Variants in PICALM observed in about 807,000 individuals in gnomAD.
PICALM encodes the protein phosphatidylinositol binding clathrin assembly protein.
In PICALM, 40 loss-of-function variants were observed where a neutral mutation model predicts 80.5. The observed-to-expected ratio is 0.50, with a 90% confidence interval of 0.39 to 0.65. The LOEUF is 0.65. PICALM is among the 30% of genes least tolerant of loss of function. The pLI is 0.00. For missense variants in PICALM, 676 were observed against 778.9 expected (o/e 0.87, Z 1.57); for synonymous variants, 288 against 260.3 (o/e 1.11, Z -1.02).
At chr11:85,992,799 G>C (rs892955508) in intron 12 of PICALM, among the ~76,000 whole-genome samples, 2 of 152,204 alleles carry the variant, frequency 1.3e-5, no homozygotes, top group African/African-American at 4.8e-5. Flanking sequence ...CTGTTCTACT[G>C]ACAGATAGGT....
rs58836221 is a variant in PICALM, at chr11:86,061,330, C to CAAAAAAAAAAAAAA, written c.130+7307_130+7320dup. Among the ~76,000 whole-genome samples the CAAAAAAAAAAAAAA allele has an allele frequency of 9.9e-5, 8 of 81,148 alleles. 1 individual carries two copies. The highest frequency in any genetic ancestry group is 3.9e-4 in the South Asian group (1 of 2,550). The allele number at this position is 81,148 out of a possible 152,430, so 53.2% of individuals were successfully genotyped here. On this transcript the variant is annotated intron_variant, in intron 1 of 19. Transcript: ENST00000393346. ...CGGGAGACAGAGCAAGACTCCATCT[C>CAAAAAAAAAAAAAA]AAAAAAAAAAAAAAAAAAAAAAAAA...
At chr11:86,007,316 T>C in intron 8 of PICALM, 1 of 283,150 alleles carries the variant, frequency 3.5e-6, no homozygotes, top group Non-Finnish European at 6.8e-6. Context: ...ATTGAAGAGA[T>C]TAAATAAATG....
At chr11:86,060,101 A>G (rs866670756) in intron 1 of PICALM, among the ~76,000 whole-genome samples, 4 of 152,310 alleles carry the variant, frequency 2.6e-5, no homozygotes, top group Middle Eastern at 6.8e-3. Flanking sequence ...AGGCACTGTT[A>G]CCTACAAAAT....
Position 86,026,337 on chromosome 11 carries a change from T to A in PICALM, c.304A>T (p.Thr102Ser). The change falls in exon 3 of 20, where the codon ACG (threonine) becomes TCG (serine). Residue 102 changes from threonine (T) to serine (S), a missense_variant. Physicochemically the swap from Thr to Ser is moderately conservative, Grantham distance 58. Around this residue, in one of 2 missense-constraint regions of PICALM, gnomAD observed 285 missense variants for 395.4 expected, o/e 0.72. Coordinates refer to ENST00000393346, the MANE Select transcript of PICALM (RefSeq NM_007166.4). Reference protein sequence around the residue: ...RFIQYLASRNTLFNLSNFLDK... With the variant: ...RFIQYLASRNSLFNLSNFLDK... ...AAAAAATTGCTTAAGTTAAACAACGTGTTTCTTGAAGCCAAATACTGAATA... is the reference window on the plus strand; with the variant it reads ...AAAAAATTGCTTAAGTTAAACAACGAGTTTCTTGAAGCCAAATACTGAATA... 1 of 1,604,678 alleles carries A rather than the reference T, an allele frequency of 6.2e-7. No individual in the cohort carries two copies. The highest frequency in any genetic ancestry group is 1.1e-5 in the South Asian group (1 of 90,564).
chr11:86,063,885 A>G (rs1196094570), intron 1 of PICALM, among the ~76,000 whole-genome samples: 2 of 152,190 alleles, frequency 1.3e-5, no homozygotes, highest in Non-Finnish European at 2.9e-5. Context: ...TGGAAAAAAA[A>G]AAAGTCCCAG....
chr11:86,049,175 T>A (rs1229808258), intron 1 of PICALM, among the ~76,000 whole-genome samples: 1 of 151,860 alleles, frequency 6.6e-6, no homozygotes, highest in African/African-American at 2.4e-5. Context: ...ACACCTATAA[T>A]CCCAACTACT....
At chr11:85,987,861 G>A (rs1440530825) in intron 13 of PICALM, among the ~76,000 whole-genome samples, 2 of 152,186 alleles carry the variant, frequency 1.3e-5, no homozygotes, top group African/African-American at 4.8e-5. Context: ...TAAACTTCAG[G>A]ACAATCCTGC....
At chr11:86,059,226 T>A (rs1378199210) in intron 1 of PICALM, among the ~76,000 whole-genome samples, 1 of 152,238 alleles carries the variant, frequency 6.6e-6, no homozygotes, top group South Asian at 2.1e-4. Flanking sequence ...GGAGGTTAAG[T>A]ATAATCATTC....
At chr11:85,985,303 C>T (rs1007959973) in intron 13 of PICALM, among the ~76,000 whole-genome samples, 28 of 152,108 alleles carry the variant, frequency 1.8e-4, no homozygotes, top group African/African-American at 6.5e-4. Flanking sequence ...AGAAGGTCCT[C>T]AAAGACAGAA....
At chr11:85,980,703 T>A (rs551235609) in intron 17 of PICALM, among the ~76,000 whole-genome samples, 10 of 152,196 alleles carry the variant, frequency 6.6e-5, no homozygotes, top group African/African-American at 9.7e-5. Context: ...AGGTCAGTAA[T>A]ATAGAGTAGT....
At chr11:85,967,217 T>G (rs2093930964) in intron 19 of PICALM, among the ~76,000 whole-genome samples, 1 of 152,212 alleles carries the variant, frequency 6.6e-6, no homozygotes, top group Non-Finnish European at 1.5e-5. Flanking sequence ...TAAAGGAACT[T>G]TTCTAGTAAA....
At chr11:86,017,028 C>A (rs1236409161) in intron 4 of PICALM, among the ~76,000 whole-genome samples, 1 of 152,140 alleles carries the variant, frequency 6.6e-6, no homozygotes. Flanking sequence ...TCGAGACCAG[C>A]CTGGCCAATA....
chr11:85,999,696 C>G (rs2095084932), intron 11 of PICALM, among the ~76,000 whole-genome samples: 1 of 152,200 alleles, frequency 6.6e-6, no homozygotes, highest in South Asian at 2.1e-4. Flanking sequence ...TTAGGCTCAG[C>G]TATTAGGAGT....
chr11:85,984,771 A>C (rs1281456146), intron 13 of PICALM, among the ~76,000 whole-genome samples: 1 of 152,186 alleles, frequency 6.6e-6, no homozygotes, highest in Non-Finnish European at 1.5e-5. Flanking sequence ...CACATCTTTA[A>C]GATCAGCCTA....
chr11:86,057,604 T>C (rs990889951), intron 1 of PICALM, among the ~76,000 whole-genome samples: 5 of 152,170 alleles, frequency 3.3e-5, no homozygotes, highest in African/African-American at 1.2e-4. Flanking sequence ...TGTGTGTGTA[T>C]GTACACACAA....
chr11:86,025,314 C>T lies in PICALM; in HGVS notation c.349+978G>A, dbSNP rs1286774848. Among the ~76,000 whole-genome samples, 6 of 151,986 alleles carry T rather than the reference C, an allele frequency of 3.9e-5. No individual in the cohort carries two copies. In the East Asian group the frequency reaches 5.9e-4, roughly 15 times the overall value. On this transcript the variant is annotated intron_variant, in intron 3 of 19. Transcript: ENST00000393346. The stretch of plus-strand genomic sequence containing the variant: ...ACTCGGGAGGCTGAGGCAGGAGAAT[C>T]GCTTGAACCCGGGAGGCGGAGGTTG...
At chr11:86,059,324 G>C (rs530513865) in intron 1 of PICALM, among the ~76,000 whole-genome samples, 102 of 152,292 alleles carry the variant, frequency 6.7e-4, no homozygotes, top group Non-Finnish European at 1.2e-3. Flanking sequence ...CCTATTCTGT[G>C]GAGGAAATGT....
At chr11:86,018,888 TAA>T (rs1255654900) in intron 4 of PICALM, among the ~76,000 whole-genome samples, 1 of 55,642 alleles carries the variant, frequency 1.8e-5, no homozygotes, top group Admixed American at 1.7e-4. Flanking sequence ...GACTCTGACT[TAA>T]AAAAAAAAAA....
chr11:86,023,049 G>A (rs946319177), intron 3 of PICALM, among the ~76,000 whole-genome samples: 5 of 152,112 alleles, frequency 3.3e-5, no homozygotes, highest in African/African-American at 9.7e-5. Context: ...ATCATTCTAA[G>A]ATTTTGTTTC....
Sources: allele counts gnomAD v4.1 joint callset (sites outside exome capture counted in the v4.1 genomes callset), GRCh38; gene constraint gnomAD v4.1.1; regional missense constraint gnomAD v4.1.1; transcripts MANE v1.5; gene names NCBI Gene and HGNC (gene_info 2026-07-23, HGNC 2026-07-21).